ANKRD11: variants seen among roughly 807,000 people sequenced by gnomAD.
ANKRD11 encodes ankyrin repeat domain-containing protein 11.
A neutral mutation model predicts 195.7 loss-of-function variants in ANKRD11; 17 were observed. The observed-to-expected ratio is 0.09, with a 90% CI of 0.06 to 0.13. ANKRD11 has a LOEUF of 0.13. Among genes scored for constraint, ANKRD11 ranks in the 10% least tolerant of loss-of-function variants. ANKRD11 has a pLI of 1.00. For missense variants in ANKRD11, 3,735 were observed against 3,566.1 expected, an observed-to-expected ratio of 1.05 and a Z score of -1.21; for synonymous variants, 1,953 against 1,528.1, an observed-to-expected ratio of 1.28 and a Z score of -6.49.
chr16:89,401,729 C>T (rs1397158534), intron 2 of ANKRD11, among the ~76,000 whole-genome samples: 2 of 152,154 alleles, frequency 1.3e-5, no homozygotes, highest in African/African-American at 2.4e-5. Context: ...TGGGCCCTCA[C>T]CCCACAGAAC....
At chr16:89,403,550 TA>T (rs1016210801) in intron 2 of ANKRD11, 45 of 145,464 alleles carry the variant, frequency 3.1e-4, no homozygotes, top group Non-Finnish European at 3.3e-4. Context: ...GACAGTAGCT[TA>T]AAAAAAAAAA....
chr16:89,305,261 C>T lies in ANKRD11; in HGVS notation c.171G>A (p.Lys57=). The part of the protein sequence containing the change: ...GGKEVRERAS[K]RKLPFTAGAN... Reference sequence around the variant, plus strand: ...CGCCCGCGGTGAAGGGCAGCTTCCGCTTGCTGGCTCGCTCCCTCACCTCCT... The same window carrying T: ...CGCCCGCGGTGAAGGGCAGCTTCCGTTTGCTGGCTCGCTCCCTCACCTCCT... Residue 57 remains lysine, a synonymous_variant, in exon 4 of 13, where the codon AAG becomes AAA. Transcript: ENST00000301030. The T allele has an allele frequency of 1.2e-6, 2 of 1,613,928 alleles. No individual in the cohort carries two copies. Among genetic ancestry groups the T allele is most frequent in the Non-Finnish European group, 1.7e-6 (2 of 1,179,900 alleles).
At chr16:89,337,502 T>A (rs2038431739) in intron 2 of ANKRD11, among the ~76,000 whole-genome samples, 1 of 131,544 alleles carries the variant, frequency 7.6e-6, no homozygotes, top group African/African-American at 2.8e-5. Context: ...AGTGGTGCGA[T>A]CTCAGCTCAC....
intron 1 of ANKRD11, among the ~76,000 whole-genome samples, chr16:89,441,501 C>T (rs900837051): frequency 6.6e-6 from 1 of 151,980 alleles, no homozygotes; most frequent in African/African-American, 2.4e-5. Context: ...GGCGCGGTGG[C>T]TCACGCCTGT....
rs903157900 is a variant in ANKRD11 at position 89,291,407 on chromosome 16, C to T, written c.227-224G>A. 2.6e-5 allele frequency among the ~76,000 whole-genome samples: 4 copies of T among 152,198 alleles called. No homozygotes were observed. Among genetic ancestry groups the T allele is most frequent in the Admixed American group, 6.5e-5 (1 of 15,286 alleles). On this transcript the variant is annotated intron_variant, in intron 4 of 12. Transcript: ENST00000301030. The surrounding 1 kb of genome is among the most constrained non-coding windows in gnomAD (Gnocchi z 5.3). The stretch of plus-strand genomic sequence containing the variant: ...TGAGACCATTTAAACACCTCGTTAC[C>T]AGCCCCTCAAGTCTGCTAAGCCTGG...
At chr16:89,479,671 G>A (rs555819488) in intron 1 of ANKRD11, among the ~76,000 whole-genome samples, 66 of 150,130 alleles carry the variant, frequency 4.4e-4, no homozygotes, top group African/African-American at 1.6e-3. Context: ...AAGGCCAGAC[G>A]CAGTGGCTCA....
At chr16:89,321,723 G>A (rs979300293) in intron 2 of ANKRD11, among the ~76,000 whole-genome samples, 1 of 152,030 alleles carries the variant, frequency 6.6e-6, no homozygotes, top group African/African-American at 2.4e-5. Context: ...AGACTTCTTT[G>A]GGGTTGAAAT....
chr16:89,435,185 C>T (rs915260618), intron 1 of ANKRD11, among the ~76,000 whole-genome samples: 21 of 152,062 alleles, frequency 1.4e-4, no homozygotes, highest in African/African-American at 3.9e-4. Flanking sequence ...TCTGTAAAAA[C>T]GCACCAATCA....
chr16:89,324,862 A>T (rs1183969759), intron 2 of ANKRD11: 1 of 277,046 alleles, frequency 3.6e-6, no homozygotes, highest in Non-Finnish European at 7.1e-6. Context: ...CTATTGTGGG[A>T]CTTCACCTCA....
intron 1 of ANKRD11, among the ~76,000 whole-genome samples, chr16:89,454,134 A>T (rs1313757648): frequency 6.6e-6 from 1 of 151,558 alleles, no homozygotes; most frequent in Non-Finnish European, 1.5e-5. Context: ...GGCACACCAC[A>T]GCCAACACAA....
At chr16:89,465,383 C>A (rs2056846648) in intron 1 of ANKRD11, among the ~76,000 whole-genome samples, 1 of 152,190 alleles carries the variant, frequency 6.6e-6, no homozygotes, top group African/African-American at 2.4e-5. Context: ...AAAAAAGAAT[C>A]ATGAATTAGA....
intron 2 of ANKRD11, among the ~76,000 whole-genome samples, chr16:89,336,251 T>C (rs1343673974): frequency 6.6e-6 from 1 of 152,198 alleles, no homozygotes; most frequent in Admixed American, 6.5e-5. Context: ...TCAACAGAGC[T>C]GGACCTGGTG....
intron 2 of ANKRD11, among the ~76,000 whole-genome samples, chr16:89,367,376 C>T (rs735813): frequency 0.029 from 4,426 of 152,318 alleles, 144 homozygotes; most frequent in African/African-American, 0.074. Context: ...CCACTGCTTC[C>T]ACTGGGGAAA....
chr16:89,270,783 C>T (rs950558634), intron 12 of ANKRD11, 34 bp downstream of exon 12: 2 of 1,607,610 alleles, frequency 1.2e-6, no homozygotes, highest in Non-Finnish European at 1.7e-6. Context: ...AGCAGCCTCC[C>T]CCAGGCAGAA....
At chr16:89,465,073 T>C (rs1209682169) in intron 1 of ANKRD11, among the ~76,000 whole-genome samples, 1 of 152,234 alleles carries the variant, frequency 6.6e-6, no homozygotes, top group Non-Finnish European at 1.5e-5. Flanking sequence ...AATTTCAGTG[T>C]TAGTAATAGT....
intron 2 of ANKRD11, among the ~76,000 whole-genome samples, chr16:89,405,072 C>T (rs918155068): frequency 6.6e-5 from 10 of 152,202 alleles, no homozygotes; most frequent in African/African-American, 2.4e-4. Context: ...CGCCCCGTCA[C>T]ACGCTCTCAC....
chr16:89,481,823 T>G (rs1286373118), intron 1 of ANKRD11, among the ~76,000 whole-genome samples: 3 of 152,168 alleles, frequency 2.0e-5, no homozygotes, highest in African/African-American at 7.2e-5. Context: ...TCCCAGCCTT[T>G]GTCCCCAGCC....
chr16:89,472,680 T>A (rs1423948206), intron 1 of ANKRD11, among the ~76,000 whole-genome samples: 4 of 152,148 alleles, frequency 2.6e-5, no homozygotes, highest in African/African-American at 9.7e-5. Flanking sequence ...ACCACAGAGG[T>A]GTTACTGTTT....
chr16:89,451,040 C>G (rs2044047888), intron 1 of ANKRD11, among the ~76,000 whole-genome samples: 1 of 151,714 alleles, frequency 6.6e-6, no homozygotes, highest in Non-Finnish European at 1.5e-5. Context: ...TATTGGAACA[C>G]AGCCATACAC....
Sources: gnomAD v4.1 joint callset for allele counts (sites outside exome capture counted in the v4.1 genomes callset) on GRCh38, gnomAD v4.1.1 for gene constraint, Gnocchi (gnomAD v3.1) non-coding constraint, MANE v1.5 for transcripts, NCBI Gene and HGNC (gene_info 2026-07-23, HGNC 2026-07-21) for gene names.